The following DAPK1 variants were observed in gnomAD, a reference collection of about 807,000 sequenced individuals.
DAPK1 encodes the protein death associated protein kinase 1.
A neutral mutation model predicts 144.9 loss-of-function variants in DAPK1; 56 were observed. That is an observed-to-expected ratio of 0.39 (90% CI 0.31 to 0.48). The LOEUF is 0.48. Ranked by LOEUF, DAPK1 falls within the 20% of genes least tolerant of loss-of-function variation. DAPK1 has a pLI of 0.95. For missense variants in DAPK1, 1,454 were observed against 1,875.4 expected (o/e 0.78, Z 4.15); for synonymous variants, 690 against 749.0 (o/e 0.92, Z 1.29).
Position 87,647,305 on chromosome 9 carries a change from G to A in DAPK1, c.1231G>A (p.Gly411Ser). The A allele has an allele frequency of 6.2e-7, 1 of 1,613,986 alleles. No individual in the cohort carries two copies. Among genetic ancestry groups the A allele is most frequent in the Admixed American group, 1.7e-5 (1 of 60,018 alleles). Reference protein sequence around the residue: ...RGSRIDVQDKGGSNAVYWAAR... With the variant: ...RGSRIDVQDKSGSNAVYWAAR... ...TGACCCCAGGTTGATTTTCCTGCAG[G>A]GCGGGTCCAATGCCGTCTACTGGGC... The change falls in exon 14 of 26, where the codon GGC becomes AGC. Residue 411 changes from glycine to serine, a missense_variant and splice_region_variant. Gly to Ser is a moderately conservative substitution (Grantham distance 56, BLOSUM62 0). Transcript: ENST00000408954.
chr9:87,579,096 C>T (rs1478896890), intron 2 of DAPK1, among the ~76,000 whole-genome samples: 1 of 152,180 alleles, frequency 6.6e-6, no homozygotes, highest in Non-Finnish European at 1.5e-5. Context: ...TTCAGGCTCA[C>T]CGAAGTATAT....
chr9:87,608,235 C>T (rs1828803348), intron 3 of DAPK1, among the ~76,000 whole-genome samples: 1 of 152,168 alleles, frequency 6.6e-6, no homozygotes, highest in African/African-American at 2.4e-5. Context: ...TTGAAAATGT[C>T]CAGTGAATAG....
Position 87,668,635 on chromosome 9 carries a change from G to T in DAPK1, c.1962G>T (p.Gln654His). Residue 654 changes from glutamine (Q) to histidine (H), a missense_variant, in exon 19 of 26, where the codon CAG (glutamine) becomes CAT (histidine). Transcript: ENST00000408954. ...CAGAAGATCTTGCTAGATCGGAACA[G>T]CACGAGCACGTAGCAGGTCTCCTTG... ...KTAEDLARSE[Q>H]HEHVAGLLAR... 6.7e-7 allele frequency: 1 copy of T among 1,482,888 alleles called. No individual in the cohort carries two copies. The highest frequency in any genetic ancestry group is 9.4e-7 in the Non-Finnish European group (1 of 1,060,054). The allele number at this position is 1,482,888 out of a possible 1,614,324, so 91.9% of individuals were successfully genotyped here.
chr9:87,511,568 C>T (rs1386455381), intron 2 of DAPK1, among the ~76,000 whole-genome samples: 5 of 152,150 alleles, frequency 3.3e-5, no homozygotes, highest in Non-Finnish European at 5.9e-5. Flanking sequence ...TGAGGGATAT[C>T]ATCCTGGTGT....
At chr9:87,662,199 T>C (rs779632049) in intron 18 of DAPK1, among the ~76,000 whole-genome samples, 6 of 152,246 alleles carry the variant, frequency 3.9e-5, no homozygotes, top group African/African-American at 9.6e-5. Flanking sequence ...TTTATGTGGG[T>C]ACCATGCTGT....
At chr9:87,527,663 C>T (rs1825562907) in intron 2 of DAPK1, among the ~76,000 whole-genome samples, 1 of 152,194 alleles carries the variant, frequency 6.6e-6, no homozygotes, top group Admixed American at 6.5e-5. Context: ...AATTGTCTTC[C>T]ATTAACAAAT....
At chr9:87,648,950 CG>C (rs1238974792) in intron 15 of DAPK1, 71 bp downstream of exon 15, 2 of 1,353,112 alleles carry the variant, frequency 1.5e-6, no homozygotes, top group African/African-American at 2.9e-5. Context: ...ATGGTACAGT[CG>C]GGGCCTTTAG....
At chr9:87,525,207 G>A (rs1427699400) in intron 2 of DAPK1, 2 of 849,714 alleles carry the variant, frequency 2.4e-6, no homozygotes, top group Non-Finnish European at 3.9e-6. Context: ...AGAACTTTCT[G>A]CGTCTGTTTT....
intron 2 of DAPK1, among the ~76,000 whole-genome samples, chr9:87,586,848 G>A (rs758224566): frequency 1.5e-4 from 23 of 152,136 alleles, no homozygotes; most frequent in Non-Finnish European, 2.5e-4. Context: ...TAGTCTAAAC[G>A]TAGCTAATAG....
chr9:87,613,648 A>G (rs924816081), intron 3 of DAPK1, among the ~76,000 whole-genome samples: 19 of 152,244 alleles, frequency 1.2e-4, no homozygotes, highest in Admixed American at 1.1e-3. Flanking sequence ...GAAGAAACAC[A>G]TGCAGTGATT....
chr9:87,675,020 C>A (rs369140465), intron 19 of DAPK1, among the ~76,000 whole-genome samples: 7 of 152,258 alleles, frequency 4.6e-5, no homozygotes, highest in African/African-American at 1.4e-4. Flanking sequence ...TCGGCAGAAC[C>A]CAGCCAAGAA....
chr9:87,549,452 G>A (rs922223146), intron 2 of DAPK1, among the ~76,000 whole-genome samples: 14 of 152,174 alleles, frequency 9.2e-5, no homozygotes, highest in African/African-American at 3.4e-4. Flanking sequence ...GGGTTATATA[G>A]TAATGAGATT....
At chr9:87,594,470 A>G (rs1828246831) in intron 2 of DAPK1, among the ~76,000 whole-genome samples, 1 of 152,240 alleles carries the variant, frequency 6.6e-6, no homozygotes, top group African/African-American at 2.4e-5. Context: ...GTCATAGACC[A>G]TATCTGAAGC....
intron 2 of DAPK1, among the ~76,000 whole-genome samples, chr9:87,589,045 C>T (rs1396311609): frequency 2.0e-5 from 3 of 147,656 alleles, no homozygotes; most frequent in African/African-American, 5.0e-5. Context: ...TGTACCACCA[C>T]GCCCGGCTAA....
At chr9:87,602,242 A>C (rs1382599201) in intron 2 of DAPK1, among the ~76,000 whole-genome samples, 1 of 152,188 alleles carries the variant, frequency 6.6e-6, no homozygotes, top group Non-Finnish European at 1.5e-5. Context: ...TACTCTCTGC[A>C]GTCAGGGTTA....
intron 2 of DAPK1, among the ~76,000 whole-genome samples, chr9:87,534,551 G>C (rs1298309725): frequency 2.6e-5 from 4 of 152,056 alleles, no homozygotes; most frequent in Non-Finnish European, 5.9e-5. Flanking sequence ...GTTCTTGTTA[G>C]GTAAGCACTG....
intron 2 of DAPK1, among the ~76,000 whole-genome samples, chr9:87,575,656 G>A (rs1481882584): frequency 6.6e-6 from 1 of 152,206 alleles, no homozygotes; most frequent in Non-Finnish European, 1.5e-5. Flanking sequence ...AGCTAGTGCA[G>A]GGCTGAGTGG....
At chr9:87,581,690 G>A (rs886628129) in intron 2 of DAPK1, among the ~76,000 whole-genome samples, 1 of 152,126 alleles carries the variant, frequency 6.6e-6, no homozygotes, top group African/African-American at 2.4e-5. Context: ...AAGCAATGTG[G>A]TCACATGACC....
chr9:87,613,188 G>A (rs1472236852), intron 3 of DAPK1, among the ~76,000 whole-genome samples: 2 of 152,184 alleles, frequency 1.3e-5, no homozygotes, highest in Admixed American at 1.3e-4. Context: ...ATTTAAAAAG[G>A]TAAATTTTGC....
Sources: gnomAD v4.1 joint callset for allele counts (sites outside exome capture counted in the v4.1 genomes callset) on GRCh38, gnomAD v4.1.1 for gene constraint, MANE v1.5 for transcripts, NCBI Gene and HGNC (gene_info 2026-07-23, HGNC 2026-07-21) for gene names.